SELENOV: variants seen among roughly 807,000 people sequenced by gnomAD.
SELENOV encodes the protein selenoprotein V.
Under a neutral mutation model 21.6 loss-of-function variants are expected in SELENOV, and 25 were observed. The observed-to-expected ratio is 1.16, with a 90% CI of 0.84 to 1.62. SELENOV has a LOEUF of 1.62. Among genes scored for constraint, SELENOV ranks in the 40% most tolerant of loss-of-function variants. The pLI, the probability that SELENOV is intolerant of heterozygous loss-of-function variation, is 0.00. For missense variants in SELENOV, 472 were observed against 459.0 expected, an observed-to-expected ratio of 1.03 and a Z score of -0.26; for synonymous variants, 227 against 216.9, an observed-to-expected ratio of 1.05 and a Z score of -0.41.
exon 5 of SELENOV, chr19:39,519,093 A>T: frequency 6.2e-7 from 1 of 1,613,784 alleles, no homozygotes; most frequent in Non-Finnish European, 8.5e-7. Flanking sequence ...TTTGTGAACG[A>T]GTCCAGGCTG....
chr19:39,518,266 G>A (rs141342732), intron 1 of SELENOV, among the ~76,000 whole-genome samples: 3,093 of 128,794 alleles, frequency 0.024, 226 homozygotes, highest in Admixed American at 0.16. Context: ...GCGAGACTCC[G>A]TCTCAAAAAA....
chr19:39,515,707 C>G lies in SELENOV; in HGVS notation c.495C>G (p.Pro165=), dbSNP rs375189883. The G allele has an allele frequency of 1.4e-5, 21 of 1,549,190 alleles. No homozygotes were observed. Among genetic ancestry groups the G allele is most frequent in the East Asian group, 2.4e-5 (1 of 40,920 alleles). The change falls in exon 1 of 6, where the codon CCC becomes CCG. Residue 165 remains proline, a synonymous_variant. Coordinates refer to ENST00000335426, the Ensembl canonical transcript of SELENOV. This position sits in a 1 kb window ranked among gnomAD's most constrained non-coding sequence, Gnocchi z 5.1. ...CTGCTCCGGAGCTGCCTTTGTTGCC[C>G]GAGGAGGACCCTGAGCCGGCGCCGA...
chr19:39,519,056 T>A lies in SELENOV; in HGVS notation c.964-15T>A, dbSNP rs1250077695. 1.2e-6 allele frequency: 2 copies of A among 1,612,806 alleles called. No individual in the cohort carries two copies. The highest frequency in any genetic ancestry group is 1.1e-5 in the South Asian group (1 of 91,030). ...GGGGTGGGAGACCTGTGTGCTTTCT[T>A]CCCTCTGTGCCCAGAGGGGTGATGG... On this transcript the variant is annotated splice_polypyrimidine_tract_variant and intron_variant, in intron 4 of 5. Coordinates refer to ENST00000335426, the Ensembl canonical transcript of SELENOV.
chr19:39,515,653 G>C lies in SELENOV; in HGVS notation c.441G>C (p.Pro147=), dbSNP rs1216277126. The change falls in exon 1 of 6, where the codon CCG becomes CCC. Residue 147 remains proline, a synonymous_variant. Transcript: ENST00000335426. This position sits in a 1 kb window ranked among gnomAD's most constrained non-coding sequence, Gnocchi z 5.1. ...CCGTCTTGGACTCCTACCTGGCCCC[G>C]GCCCTACCTTTGGATCCGCCCCCGG... 6.5e-7 allele frequency: 1 copy of C among 1,548,176 alleles called. No individual in the cohort carries two copies. Among genetic ancestry groups the C allele is most frequent in the East Asian group, 2.4e-5 (1 of 40,928 alleles).
intron 5 of SELENOV, 45 bp downstream of exon 5, chr19:39,519,215 G>A (rs1382354790): frequency 2.2e-6 from 3 of 1,361,422 alleles, no homozygotes; most frequent in South Asian, 1.2e-5. Flanking sequence ...GGTGGAGGCC[G>A]GGTAGGAGGA....
At position 39,515,206 on chromosome 19, in the gene SELENOV, G is replaced by A. The variant is rs761098265; in HGVS notation, c.-7G>A. ...CCAACCGGCTTGCCCCGGTCCCCCT[G>A]GGCCCCATGAATAACCAGGCGCGGA... On this transcript the variant is annotated 5_prime_UTR_variant, in exon 1 of 6. Coordinates refer to ENST00000335426, the Ensembl canonical transcript of SELENOV. This position sits in a 1 kb window ranked among gnomAD's most constrained non-coding sequence, Gnocchi z 5.1. 6 of 1,532,954 alleles carry A rather than the reference G, an allele frequency of 3.9e-6. No individual in the cohort carries two copies. In the South Asian group the frequency reaches 7.2e-5, roughly 18 times the overall value. 95.0% of individuals were successfully genotyped at this position (1,532,954 alleles called of 1,614,324 possible).
rs375911338 is a variant in SELENOV, at chr19:39,515,320, G to A, written c.108G>A (p.Pro36=). 5.2e-6 allele frequency: 8 copies of A among 1,551,236 alleles called. No homozygotes were observed. Among genetic ancestry groups the A allele is most frequent in the African/African-American group, 2.7e-5 (2 of 73,066 alleles). ...CGACTCCACTCCGGACCCCGACTCC[G>A]GTCCGGACTCGGACCCCCATCCGGA... Residue 36 remains proline (P), a synonymous_variant, in exon 1 of 6, where the codon CCG becomes CCA. Transcript: ENST00000335426. This position sits in a 1 kb window ranked among gnomAD's most constrained non-coding sequence, Gnocchi z 5.1.
chr19:39,515,678 G>C lies in SELENOV; in HGVS notation c.466G>C (p.Glu156Gln). 2 of 1,548,794 alleles carry C rather than the reference G, an allele frequency of 1.3e-6. No homozygotes were observed. The highest frequency in any genetic ancestry group is 2.4e-5 in the South Asian group (2 of 84,036). ...GGCCCTACCTTTGGATCCGCCCCCG[G>C]AACCTGCTCCGGAGCTGCCTTTGTT... The change falls in exon 1 of 6, where the codon GAA becomes CAA. Residue 156 changes from glutamate to glutamine, a missense_variant. By Grantham distance (29) the Glu-to-Gln change is conservative. Transcript: ENST00000335426. The surrounding 1 kb of genome is among the most constrained non-coding windows in gnomAD (Gnocchi z 5.1).
At chr19:39,519,959 T>A in intron 5 of SELENOV, among the ~76,000 whole-genome samples, 187 bp from the exon 6 acceptor site, 1 of 96,226 alleles carries the variant, frequency 1.0e-5, no homozygotes, top group East Asian at 2.8e-4. Flanking sequence ...AGCGAGACTC[T>A]GTCTCAAAAA....
intron 1 of SELENOV, among the ~76,000 whole-genome samples, chr19:39,518,020 T>C (rs1276052355): frequency 3.4e-4 from 44 of 128,168 alleles, no homozygotes; most frequent in Middle Eastern, 5.0e-3. Flanking sequence ...CGCCTGTAAT[T>C]CCAGCACTTT....
intron 1 of SELENOV, chr19:39,516,264 C>T (rs1422675490): frequency 1.5e-6 from 1 of 669,552 alleles, no homozygotes; most frequent in Admixed American, 2.0e-5. Flanking sequence ...TCTGAGTGCC[C>T]CGCGGGCCAA....
At position 39,515,450 on chromosome 19, in the gene SELENOV, C is replaced by G; in HGVS notation, c.238C>G (p.Arg80Gly). The stretch of plus-strand genomic sequence containing the variant: ...TCTGGTCCCCACTCCCGCTCTGGCC[C>G]GGATCCCCCGTCTGGTTCCGCCTCC... The change falls in exon 1 of 6, where the codon CGG (arginine) becomes GGG (glycine). Residue 80 changes from arginine to glycine, a missense_variant. Transcript: ENST00000335426. This position sits in a 1 kb window ranked among gnomAD's most constrained non-coding sequence, Gnocchi z 5.1. The G allele has an allele frequency of 6.4e-7, 1 of 1,551,540 alleles. No individual in the cohort carries two copies. Among genetic ancestry groups the G allele is most frequent in the East Asian group, 2.4e-5 (1 of 40,908 alleles).
Position 39,519,064 on chromosome 19 carries a change from T to G in SELENOV, c.964-7T>G, listed in dbSNP as rs746413463. ...AGACCTGTGTGCTTTCTTCCCTCTG[T>G]GCCCAGAGGGGTGATGGCTTTGTGA... On this transcript the variant is annotated splice_region_variant and splice_polypyrimidine_tract_variant and intron_variant, in intron 4 of 5. Coordinates refer to ENST00000335426, the Ensembl canonical transcript of SELENOV. 1 of 1,612,760 alleles carries G rather than the reference T, an allele frequency of 6.2e-7. No individual in the cohort carries two copies. Among genetic ancestry groups the G allele is most frequent in the Non-Finnish European group, 8.5e-7 (1 of 1,178,932 alleles).
At chr19:39,517,084 C>T (rs993043827) in intron 1 of SELENOV, among the ~76,000 whole-genome samples, 7 of 151,914 alleles carry the variant, frequency 4.6e-5, no homozygotes, top group Non-Finnish European at 1.0e-4. Context: ...TTCTTGAACT[C>T]CTACATTCAA....
chr19:39,518,286 C>CAAAAAAACAA (rs2079709091), intron 1 of SELENOV, among the ~76,000 whole-genome samples: 1 of 112,148 alleles, frequency 8.9e-6, no homozygotes, highest in Non-Finnish European at 1.8e-5. Context: ...AACAAAAAAA[C>CAAAAAAACAA]AAAAAAACAA....
chr19:39,519,521 C>G (rs1482907461), intron 5 of SELENOV, among the ~76,000 whole-genome samples: 1 of 150,086 alleles, frequency 6.7e-6, no homozygotes, highest in East Asian at 2.0e-4. Context: ...AATAAATTAG[C>G]CAGGCACAGT....
intron 1 of SELENOV, chr19:39,516,261 GC>G (rs1427665025): frequency 3.0e-6 from 2 of 670,472 alleles, no homozygotes; most frequent in Admixed American, 2.0e-5. Flanking sequence ...GTTTCTGAGT[GC>G]CCCGCGGGCC....
At position 39,515,316 on chromosome 19, in the gene SELENOV, C is replaced by T; in HGVS notation, c.104C>T (p.Thr35Ile). ...ACACCGACTCCACTCCGGACCCCGA[C>T]TCCGGTCCGGACTCGGACCCCCATC... The change falls in exon 1 of 6, where the codon ACT (threonine) becomes ATT (isoleucine). Residue 35 changes from threonine to isoleucine, a missense_variant. Physicochemically the swap from Thr to Ile is moderately conservative, Grantham distance 89. Coordinates refer to ENST00000335426, the Ensembl canonical transcript of SELENOV. The surrounding 1 kb of genome is among the most constrained non-coding windows in gnomAD (Gnocchi z 5.1). 2 of 1,551,240 alleles carry T rather than the reference C, an allele frequency of 1.3e-6. No homozygotes were observed. Among genetic ancestry groups the T allele is most frequent in the Non-Finnish European group, 1.7e-6 (2 of 1,146,762 alleles).
Position 39,518,778 on chromosome 19 carries a change from G to A in SELENOV, c.873G>A (p.Pro291=), listed in dbSNP as rs548715748. The stretch of plus-strand genomic sequence containing the variant: ...AAAAGAGCCTGGAGCAGCAATTTCC[G>A]AATCACCTACTCTTTGTAAGTGTGT... The change falls in exon 3 of 6, where the codon CCG becomes CCA. Residue 291 remains proline (P), a synonymous_variant. Coordinates refer to ENST00000335426, the Ensembl canonical transcript of SELENOV. 2.4e-5 allele frequency: 38 copies of A among 1,613,826 alleles called. No individual in the cohort carries two copies. The East Asian group carries it at 7.6e-4, about 32-fold the overall frequency.
Sources: gnomAD v4.1 joint callset for allele counts (sites outside exome capture counted in the v4.1 genomes callset) on GRCh38, gnomAD v4.1.1 for gene constraint, Gnocchi (gnomAD v3.1) non-coding constraint, MANE v1.5 for transcripts, NCBI Gene and HGNC (gene_info 2026-07-23, HGNC 2026-07-21) for gene names.